TANC2: variants seen among roughly 807,000 people sequenced by gnomAD.
The protein encoded by TANC2 is tetratricopeptide repeat, ankyrin repeat and coiled-coil containing 2, also known as protein TANC2.
TANC2 carries 26 observed loss-of-function variants against 210.5 expected under a neutral mutation model. The ratio of observed to expected loss-of-function variants is 0.12; its 90% confidence interval spans 0.09 to 0.17. The LOEUF is 0.17. Ranked by LOEUF, TANC2 falls within the 10% of genes least tolerant of loss-of-function variation. The pLI is 1.00. For synonymous variants in TANC2, 931 were observed against 967.1 expected, an observed-to-expected ratio of 0.96 and a Z score of 0.69; for missense variants, 2,129 against 2,608.9, an observed-to-expected ratio of 0.82 and a Z score of 4.01.
intron 5 of TANC2, among the ~76,000 whole-genome samples, chr17:63,161,405 T>G (rs2040020379): frequency 6.6e-6 from 1 of 152,132 alleles, no homozygotes; most frequent in African/African-American, 2.4e-5. Flanking sequence ...TGAACAGCTT[T>G]GTGTTTTTCC....
chr17:62,991,634 C>T (rs1055960819), intron 1 of TANC2, among the ~76,000 whole-genome samples: 41 of 142,428 alleles, frequency 2.9e-4, no homozygotes, highest in Admixed American at 8.5e-4. Context: ...AGCGAGACTC[C>T]GTCTCAAAAA....
At chr17:63,361,186 G>A (rs1001922898) in intron 14 of TANC2, among the ~76,000 whole-genome samples, 4 of 152,174 alleles carry the variant, frequency 2.6e-5, no homozygotes, top group African/African-American at 9.7e-5. Context: ...GGATCGTATG[G>A]TAGTGTCACA....
intron 1 of TANC2, among the ~76,000 whole-genome samples, chr17:63,001,808 A>G (rs1328122354): frequency 1.3e-5 from 2 of 152,086 alleles, no homozygotes; most frequent in Non-Finnish European, 2.9e-5. Flanking sequence ...TCTACCTCCC[A>G]AAGTGTTGAG....
intron 13 of TANC2, among the ~76,000 whole-genome samples, chr17:63,354,232 G>A (rs186726006): frequency 6.6e-4 from 100 of 152,250 alleles, no homozygotes; most frequent in African/African-American, 2.4e-3. Context: ...TGTTACCAAG[G>A]TGCCAAGCTT....
intron 6 of TANC2, among the ~76,000 whole-genome samples, chr17:63,198,783 TAA>T (rs558876227): frequency 6.9e-6 from 1 of 144,326 alleles, no homozygotes; most frequent in African/African-American, 2.5e-5. Flanking sequence ...ATTTTAAGGT[TAA>T]AAAAAAAAAA....
At chr17:63,406,382 T>G (rs937919987) in intron 21 of TANC2, 105 bp downstream of exon 21, 1 of 1,507,462 alleles carries the variant, frequency 6.6e-7, no homozygotes, top group African/African-American at 1.4e-5. Context: ...CAGATATTAA[T>G]CCAGTTGGTT....
chr17:63,235,439 T>C (rs2042594645), intron 7 of TANC2, among the ~76,000 whole-genome samples: 1 of 152,098 alleles, frequency 6.6e-6, no homozygotes, highest in African/African-American at 2.4e-5. Flanking sequence ...TGATTTCCTT[T>C]CTCAGGTGGA....
intron 9 of TANC2, among the ~76,000 whole-genome samples, chr17:63,287,734 G>A (rs2044269919): frequency 6.6e-6 from 1 of 151,220 alleles, no homozygotes; most frequent in African/African-American, 2.4e-5. Context: ...AGAGTGCAGT[G>A]GCATGATCTC....
chr17:63,303,088 A>C (rs2044775875), intron 9 of TANC2, among the ~76,000 whole-genome samples: 1 of 152,116 alleles, frequency 6.6e-6, no homozygotes, highest in African/African-American at 2.4e-5. Context: ...TGGGGCATTT[A>C]GTCCATTTAC....
At chr17:63,124,938 C>T (rs1354035862) in intron 4 of TANC2, among the ~76,000 whole-genome samples, 2 of 152,162 alleles carry the variant, frequency 1.3e-5, no homozygotes, top group Admixed American at 1.3e-4. Flanking sequence ...CAAAAATTGT[C>T]TTCCGCAAAA....
chr17:63,314,962 G>T (rs1056392283), intron 10 of TANC2, among the ~76,000 whole-genome samples: 2 of 152,118 alleles, frequency 1.3e-5, no homozygotes. Flanking sequence ...CGCAGCAATT[G>T]CCCGTAGAGC....
intron 8 of TANC2, among the ~76,000 whole-genome samples, chr17:63,248,150 C>T (rs1053530781): frequency 3.9e-5 from 6 of 152,010 alleles, no homozygotes; most frequent in Admixed American, 6.6e-5. Flanking sequence ...TAAATTTTCT[C>T]GTCTCAGGAG....
intron 8 of TANC2, 133 bp downstream of exon 8, chr17:63,238,210 C>A: frequency 8.5e-7 from 1 of 1,181,866 alleles, no homozygotes; most frequent in Non-Finnish European, 1.1e-6. Flanking sequence ...CTAAGCTGTT[C>A]TTTTGTGTTT....
At chr17:63,063,674 T>TTGTG (rs371281397) in intron 2 of TANC2, among the ~76,000 whole-genome samples, 3,611 of 137,456 alleles carry the variant, frequency 0.026, 166 homozygotes, top group African/African-American at 0.085. Context: ...TTACCCAGTA[T>TTGTG]TGTGTGTGTG....
Position 63,306,186 on chromosome 17 carries a change from T to C in TANC2, c.1160-8202T>C, listed in dbSNP as rs571219194. On this transcript the variant is annotated intron_variant, in intron 9 of 27. Coordinates refer to ENST00000689528, the Ensembl canonical transcript of TANC2. ...AAAAGTCTGAGCTAGGTGGGAGCAG[T>C]TGGAAACGAACAGAGGTAACTGATA... is the stretch of plus-strand genomic sequence containing the variant. Among the ~76,000 whole-genome samples the C allele has an allele frequency of 2.9e-4, 44 of 152,202 alleles. No individual in the cohort carries two copies. The South Asian group carries it at 6.6e-3, about 23-fold the overall frequency.
chr17:63,157,665 T>C (rs2039883946), intron 5 of TANC2, among the ~76,000 whole-genome samples: 1 of 152,074 alleles, frequency 6.6e-6, no homozygotes, highest in South Asian at 2.1e-4. Context: ...CACAGGAAGG[T>C]TGTAAAGATA....
intron 1 of TANC2, among the ~76,000 whole-genome samples, chr17:62,984,936 G>T (rs2143482396): frequency 6.6e-6 from 1 of 152,248 alleles, no homozygotes; most frequent in South Asian, 2.1e-4. Flanking sequence ...CAGGTGTTGG[G>T]TGAAACACTC....
chr17:63,042,828 G>A (rs1411021187), intron 2 of TANC2, among the ~76,000 whole-genome samples: 1 of 152,076 alleles, frequency 6.6e-6, no homozygotes, highest in Non-Finnish European at 1.5e-5. Flanking sequence ...ATGGGGAGGT[G>A]GAATTGAGAG....
At chr17:63,341,130 C>T (rs986545075) in intron 12 of TANC2, among the ~76,000 whole-genome samples, 1 of 152,194 alleles carries the variant, frequency 6.6e-6, no homozygotes, top group Non-Finnish European at 1.5e-5. Context: ...GACTTAGACA[C>T]CTTTCTCAAG....
Sources: gnomAD v4.1 joint callset for allele counts (sites outside exome capture counted in the v4.1 genomes callset) on GRCh38, gnomAD v4.1.1 for gene constraint, MANE v1.5 for transcripts, NCBI Gene and HGNC (gene_info 2026-07-23, HGNC 2026-07-21) for gene names.